MRPS9: variants seen among roughly 807,000 people sequenced by gnomAD.
The protein encoded by MRPS9 is mitochondrial ribosomal protein S9.
A neutral mutation model predicts 59.9 loss-of-function variants in MRPS9; 45 were observed. The ratio of observed to expected loss-of-function variants is 0.75; its 90% confidence interval spans 0.59 to 0.96. The LOEUF is 0.96. Among genes scored for constraint, MRPS9 ranks in the 40% least tolerant of loss-of-function variants. The probability of loss-of-function intolerance (pLI) is 0.00; values close to 1 mark genes in which losing one functional copy is unlikely to be tolerated. For missense variants in MRPS9, 473 were observed against 481.1 expected, an observed-to-expected ratio of 0.98 and a Z score of 0.16; for synonymous variants, 171 against 166.8, an observed-to-expected ratio of 1.03 and a Z score of -0.19.
Position 105,048,070 on chromosome 2 carries a change from T to A in MRPS9, c.136-1101T>A, listed in dbSNP as rs1679625934. Among the ~76,000 whole-genome samples the A allele has an allele frequency of 3.3e-5, 5 of 152,006 alleles. 1 individual carries two copies. Among genetic ancestry groups the A allele is most frequent in the Non-Finnish European group, 7.4e-5 (5 of 67,932 alleles). On this transcript the variant is annotated intron_variant, in intron 1 of 10. Coordinates refer to ENST00000258455, the MANE Select transcript of MRPS9 (RefSeq NM_182640.3). ...TGCACACGTATGTTTATTGCGGCAC[T>A]ATTCACAATAGCAAAGACTTGGAAC...
chr2:105,042,925 T>C (rs1206560023), intron 1 of MRPS9, among the ~76,000 whole-genome samples: 2 of 152,212 alleles, frequency 1.3e-5, no homozygotes, highest in Non-Finnish European at 2.9e-5. Flanking sequence ...TCAACAATTA[T>C]TAATAATTTC....
rs756215810 is a variant in MRPS9 at position 105,049,299 on chromosome 2, A to G, written c.264A>G (p.Leu88=). 6.2e-7 allele frequency: 1 copy of G among 1,613,014 alleles called. No homozygotes were observed. Among genetic ancestry groups the G allele is most frequent in the Non-Finnish European group, 8.5e-7 (1 of 1,179,684 alleles). ...IEEFNIGKRH[L]ANMMGEDPET... is the part of the protein sequence containing the mutation. ...AGTTCAACATAGGAAAGAGACATTT[A>G]GCCAACATGATGGGAGAAGATCCAG... The change falls in exon 2 of 11, where the codon TTA becomes TTG. Residue 88 remains leucine, a synonymous_variant. Transcript: ENST00000258455.
intron 5 of MRPS9, among the ~76,000 whole-genome samples, chr2:105,085,955 T>C (rs2104464644): frequency 6.6e-6 from 1 of 152,310 alleles, no homozygotes; most frequent in East Asian, 1.9e-4. Context: ...TGATGTAAAT[T>C]AGCACACATC....
chr2:105,063,905 A>C (rs1679950045), intron 2 of MRPS9, among the ~76,000 whole-genome samples: 1 of 152,194 alleles, frequency 6.6e-6, no homozygotes, highest in Admixed American at 6.5e-5. Flanking sequence ...CTTTGCCTTC[A>C]AAAACACACC....
chr2:105,064,038 G>C (rs1403092206), intron 2 of MRPS9, among the ~76,000 whole-genome samples: 2 of 152,170 alleles, frequency 1.3e-5, no homozygotes, highest in Non-Finnish European at 2.9e-5. Context: ...GATACATAAA[G>C]GGAAAAATCC....
At chr2:105,064,970 G>A (rs551387998) in intron 2 of MRPS9, among the ~76,000 whole-genome samples, 1 of 152,162 alleles carries the variant, frequency 6.6e-6, no homozygotes, top group Admixed American at 6.5e-5. Context: ...CATAGGTCCT[G>A]TGTATATTAT....
intron 4 of MRPS9, among the ~76,000 whole-genome samples, chr2:105,074,604 C>T (rs980593360): frequency 6.6e-6 from 1 of 152,108 alleles, no homozygotes; most frequent in African/African-American, 2.4e-5. Context: ...TAATTTTCCC[C>T]ACTGCACAAA....
chr2:105,084,266 A>ATATG (rs1369238025), intron 5 of MRPS9, among the ~76,000 whole-genome samples: 2 of 149,764 alleles, frequency 1.3e-5, no homozygotes, highest in Non-Finnish European at 3.0e-5. Flanking sequence ...ATATATATAT[A>ATATG]TATGTAAAAT....
intron 7 of MRPS9, among the ~76,000 whole-genome samples, chr2:105,090,251 C>T (rs1680533200): frequency 6.6e-6 from 1 of 152,180 alleles, no homozygotes; most frequent in Non-Finnish European, 1.5e-5. Flanking sequence ...TGTAAGTGCC[C>T]TCATATCCTG....
chr2:105,069,227 T>A (rs1680061615), intron 2 of MRPS9, among the ~76,000 whole-genome samples: 1 of 151,416 alleles, frequency 6.6e-6, no homozygotes, highest in Non-Finnish European at 1.5e-5. Flanking sequence ...TTTTTTTTTT[T>A]TTTTTGAGAC....
In MRPS9 at chr2:105,088,980, A is replaced by C; in HGVS notation, c.490-4A>C. 6.2e-7 allele frequency: 1 copy of C among 1,601,304 alleles called. No individual in the cohort carries two copies. The highest frequency in any genetic ancestry group is 8.5e-7 in the Non-Finnish European group (1 of 1,170,890). ...GCATGTACTGTATATTTTGTTTGCC[A>C]TAGGATGTATATGGAATGTTACTCA... On this transcript the variant is annotated splice_polypyrimidine_tract_variant and splice_region_variant and intron_variant, in intron 5 of 10. Coordinates refer to ENST00000258455, the MANE Select transcript of MRPS9 (RefSeq NM_182640.3).
At chr2:105,066,154 T>C (rs1679996566) in intron 2 of MRPS9, among the ~76,000 whole-genome samples, 2 of 152,226 alleles carry the variant, frequency 1.3e-5, no homozygotes, top group African/African-American at 4.8e-5. Flanking sequence ...CCCTCTTTTG[T>C]TCATTTTTCT....
At chr2:105,075,001 G>A (rs988705738) in intron 4 of MRPS9, among the ~76,000 whole-genome samples, 4 of 152,190 alleles carry the variant, frequency 2.6e-5, no homozygotes, top group African/African-American at 7.2e-5. Context: ...TAGAATCAGT[G>A]TGAGGCCTGG....
At chr2:105,065,033 A>G (rs974845962) in intron 2 of MRPS9, among the ~76,000 whole-genome samples, 41 of 152,178 alleles carry the variant, frequency 2.7e-4, no homozygotes, top group African/African-American at 8.9e-4. Context: ...ATTTGAGACT[A>G]TGTATACATC....
At chr2:105,059,784 C>A (rs1225629703) in intron 2 of MRPS9, among the ~76,000 whole-genome samples, 1 of 151,814 alleles carries the variant, frequency 6.6e-6, no homozygotes, top group Non-Finnish European at 1.5e-5. Flanking sequence ...GCTTGGGGGC[C>A]CAAACCACTT....
At chr2:105,066,157 A>G (rs1679996763) in intron 2 of MRPS9, among the ~76,000 whole-genome samples, 1 of 151,768 alleles carries the variant, frequency 6.6e-6, no homozygotes, top group Admixed American at 6.6e-5. Context: ...TCTTTTGTTC[A>G]TTTTTCTTTC....
chr2:105,057,443 A>C (rs1256591928), intron 2 of MRPS9, among the ~76,000 whole-genome samples: 1 of 152,180 alleles, frequency 6.6e-6, no homozygotes, highest in African/African-American at 2.4e-5. Context: ...TGTCAGTTGG[A>C]ACCTTGAGCT....
chr2:105,096,472 T>C (rs1354186544), intron 9 of MRPS9, among the ~76,000 whole-genome samples: 1 of 152,094 alleles, frequency 6.6e-6, no homozygotes, highest in African/African-American at 2.4e-5. Flanking sequence ...TCCAGGGCCG[T>C]GTTTTGTCTG....
chr2:105,052,062 C>T (rs1293791326), intron 2 of MRPS9, among the ~76,000 whole-genome samples: 1 of 151,762 alleles, frequency 6.6e-6, no homozygotes, highest in African/African-American at 2.4e-5. Context: ...GGATATTTCA[C>T]CTGAAAATGG....
Sources: allele counts gnomAD v4.1 joint callset (sites outside exome capture counted in the v4.1 genomes callset), GRCh38; gene constraint gnomAD v4.1.1; transcripts MANE v1.5; gene names NCBI Gene and HGNC (gene_info 2026-07-23, HGNC 2026-07-21).